The following ST6GAL2 variants were observed in gnomAD, a reference collection of about 807,000 sequenced individuals.
ST6GAL2 encodes beta-galactoside alpha-2,6-sialyltransferase 2.
Under a neutral mutation model 37.5 loss-of-function variants are expected in ST6GAL2, and 24 were observed. The ratio of observed to expected loss-of-function variants is 0.64; its 90% CI spans 0.46 to 0.90. ST6GAL2 has a LOEUF of 0.90. Ranked by LOEUF, ST6GAL2 falls within the 40% of genes least tolerant of loss-of-function variation. The pLI, the probability that ST6GAL2 is intolerant of heterozygous loss-of-function variation, is 0.00. For missense variants in ST6GAL2, 715 were observed against 712.7 expected, an observed-to-expected ratio of 1.00 and a Z score of -0.04; for synonymous variants, 306 against 295.1, an observed-to-expected ratio of 1.04 and a Z score of -0.38.
chr2:106,850,226 C>T (rs370760029), intron 1 of ST6GAL2, among the ~76,000 whole-genome samples: 20 of 152,188 alleles, frequency 1.3e-4, no homozygotes, highest in African/African-American at 4.6e-4. Context: ...TGTCAGAGGA[C>T]ACAAATAAAG....
At position 106,805,231 on chromosome 2, in the gene ST6GAL2, C is replaced by T. The variant is rs1285431087; in HGVS notation, c.*1447G>A. The T allele has an allele frequency of 2.6e-5, 4 of 152,166 alleles. No homozygotes were observed. The highest frequency in any genetic ancestry group is 7.2e-5 in the African/African-American group (3 of 41,436). The allele number at this position is 152,166 out of a possible 1,614,324, so 9.4% of individuals were successfully genotyped here. On this transcript the variant is annotated 3_prime_UTR_variant, in exon 6 of 6. Transcript: ENST00000409382. Reference sequence around the variant, plus strand: ...CATTCATACATTTTGCAAGGGAGAACGCATTTAATTAAGCTGCTATTGTCA... The same window carrying T: ...CATTCATACATTTTGCAAGGGAGAATGCATTTAATTAAGCTGCTATTGTCA...
At chr2:106,852,400 C>T (rs997386857) in intron 1 of ST6GAL2, among the ~76,000 whole-genome samples, 3 of 152,174 alleles carry the variant, frequency 2.0e-5, no homozygotes, top group Non-Finnish European at 1.5e-5. Context: ...CCAGTGACCT[C>T]GCTTGGTTGA....
At chr2:106,831,355 GC>G (rs915625189) in intron 4 of ST6GAL2, among the ~76,000 whole-genome samples, 2 of 152,182 alleles carry the variant, frequency 1.3e-5, no homozygotes, top group African/African-American at 4.8e-5. Flanking sequence ...CCAGCTCTGT[GC>G]CCTGGGCTGA....
In ST6GAL2 at chr2:106,843,143, G is replaced by A; in HGVS notation, c.835C>T (p.Leu279=). Residue 279 remains leucine (L), a synonymous_variant, in exon 2 of 6, where the codon CTG becomes TTG. Transcript: ENST00000409382. The part of the protein sequence containing the change: ...APFSALGWRR[L]VPAVPLSQLH... Reference sequence around the variant, plus strand: ...TGGCTCAGGGGCACGGCGGGCACCAGGCGCCGCCAGCCCAGCGCAGAAAAG... The same window carrying A: ...TGGCTCAGGGGCACGGCGGGCACCAAGCGCCGCCAGCCCAGCGCAGAAAAG... 1.3e-6 allele frequency: 2 copies of A among 1,561,704 alleles called. No homozygotes were observed. The highest frequency in any genetic ancestry group is 1.7e-6 in the Non-Finnish European group (2 of 1,156,432).
intron 5 of ST6GAL2, among the ~76,000 whole-genome samples, chr2:106,814,576 G>C (rs998953734): frequency 6.6e-6 from 1 of 151,932 alleles, no homozygotes; most frequent in Non-Finnish European, 1.5e-5. Flanking sequence ...GGAGTTCCAC[G>C]TCTATGTGTA....
chr2:106,813,340 A>T, intron 5 of ST6GAL2: 1 of 643,644 alleles, frequency 1.6e-6, no homozygotes, highest in Non-Finnish European at 2.2e-6. Context: ...ACGCAAGATA[A>T]TTATCAAACC....
chr2:106,882,840 G>A (rs1678807895), intron 1 of ST6GAL2, among the ~76,000 whole-genome samples: 1 of 152,214 alleles, frequency 6.6e-6, no homozygotes, highest in Non-Finnish European at 1.5e-5. Flanking sequence ...CAAGACCACA[G>A]AGGGCAGCAG....
intron 1 of ST6GAL2, among the ~76,000 whole-genome samples, chr2:106,865,303 T>C (rs543917395): frequency 1.3e-5 from 2 of 152,324 alleles, no homozygotes; most frequent in South Asian, 4.1e-4. Context: ...AGGGTACTAA[T>C]TGCAGGCATT....
chr2:106,886,899 G>T (rs572358726), upstream of ST6GAL2: 1 of 152,316 alleles, frequency 6.6e-6, no homozygotes, highest in Non-Finnish European at 1.5e-5. Flanking sequence ...GGCGGTGCGG[G>T]GCAGCACGGC....
At chr2:106,834,486 G>C (rs957840396) in intron 2 of ST6GAL2, 1 of 220,028 alleles carries the variant, frequency 4.5e-6, no homozygotes, top group African/African-American at 2.3e-5. Flanking sequence ...ACATCTTGAG[G>C]GAGACTGTAC....
Position 106,843,307 on chromosome 2 carries a change from G to A in ST6GAL2, c.671C>T (p.Ala224Val), listed in dbSNP as rs1266325444. Reference protein sequence around the residue: ...SKMLNPRLQKAMKDYLTANKH... With the variant: ...SKMLNPRLQKVMKDYLTANKH... Reference sequence around the variant, plus strand: ...GTTGGCGGTCAGGTAATCCTTCATCGCCTTCTGCAGGCGCGGGTTCAGCAT... The same window carrying A: ...GTTGGCGGTCAGGTAATCCTTCATCACCTTCTGCAGGCGCGGGTTCAGCAT... Residue 224 changes from alanine to valine, a missense_variant, in exon 2 of 6, where the codon GCG becomes GTG. This residue lies in a region of ST6GAL2 where 512 missense variants were observed against 488.8 expected (regional missense o/e 1.05). Coordinates refer to ENST00000409382, the MANE Select transcript of ST6GAL2 (RefSeq NM_001142351.2). 3 of 1,613,598 alleles carry A rather than the reference G, an allele frequency of 1.9e-6. No individual in the cohort carries two copies. In the East Asian group the frequency reaches 6.7e-5, roughly 36 times the overall value.
Position 106,805,953 on chromosome 2 carries a change from G to A in ST6GAL2, c.*725C>T, listed in dbSNP as rs1403533632. 1.3e-5 allele frequency: 2 copies of A among 152,302 alleles called. No homozygotes were observed. Among genetic ancestry groups the A allele is most frequent in the Non-Finnish European group, 2.9e-5 (2 of 68,144 alleles). 9.4% of individuals were successfully genotyped at this position (152,302 alleles called of 1,614,324 possible). ...GCCTCCTGGTGGATGTGATACTAATGTTCCTGGTTGAAATACTGCAGGGAA... is the reference window on the plus strand; with the variant it reads ...GCCTCCTGGTGGATGTGATACTAATATTCCTGGTTGAAATACTGCAGGGAA... On this transcript the variant is annotated 3_prime_UTR_variant, in exon 6 of 6. Transcript: ENST00000409382.
chr2:106,869,108 G>T (rs972510453), intron 1 of ST6GAL2, among the ~76,000 whole-genome samples: 1 of 152,154 alleles, frequency 6.6e-6, no homozygotes, highest in Non-Finnish European at 1.5e-5. Context: ...TGGCAGGGGA[G>T]GGGTGGTGGG....
chr2:106,886,952 A>T (rs2104683497), upstream of ST6GAL2: 1 of 152,556 alleles, frequency 6.6e-6, no homozygotes, highest in African/African-American at 2.4e-5. Flanking sequence ...GCCTCCATCC[A>T]GCCCTAGTTC....
chr2:106,845,528 G>A (rs1677108842), intron 1 of ST6GAL2, among the ~76,000 whole-genome samples: 1 of 152,204 alleles, frequency 6.6e-6, no homozygotes, highest in Non-Finnish European at 1.5e-5. Flanking sequence ...CCCCAGTACA[G>A]GCTGACCAAT....
intron 5 of ST6GAL2, among the ~76,000 whole-genome samples, chr2:106,819,829 C>T (rs2104438006): frequency 6.6e-6 from 1 of 151,448 alleles, no homozygotes; most frequent in East Asian, 1.9e-4. Context: ...AGAGAAACAA[C>T]AAAAACTTAA....
intron 1 of ST6GAL2, 76 bp from the exon 2 acceptor site, chr2:106,844,110 CA>C: frequency 1.4e-6 from 1 of 696,634 alleles, no homozygotes; most frequent in Non-Finnish European, 2.3e-6. Context: ...CTATCTTGAG[CA>C]GTGTTTCTGT....
At chr2:106,878,892 C>A (rs758923966) in intron 1 of ST6GAL2, among the ~76,000 whole-genome samples, 4 of 152,096 alleles carry the variant, frequency 2.6e-5, no homozygotes, top group Non-Finnish European at 4.4e-5. Context: ...TGAGCTAATT[C>A]GGGCAATTGA....
At chr2:106,841,867 A>G (rs1558698390) in intron 2 of ST6GAL2, among the ~76,000 whole-genome samples, 1 of 152,252 alleles carries the variant, frequency 6.6e-6, no homozygotes, top group Non-Finnish European at 1.5e-5. Context: ...CTTGAAAACT[A>G]GGAAGAAATA....
Sources: allele counts gnomAD v4.1 joint callset (sites outside exome capture counted in the v4.1 genomes callset), GRCh38; gene constraint gnomAD v4.1.1; regional missense constraint gnomAD v4.1.1; transcripts MANE v1.5; gene names NCBI Gene and HGNC (gene_info 2026-07-23, HGNC 2026-07-21).